The following REPIN1 variants were observed in gnomAD, a reference collection of about 807,000 sequenced individuals.
REPIN1 encodes replication initiator 1.
REPIN1 carries 4 observed loss-of-function variants against 5.7 expected under a neutral mutation model. The observed-to-expected ratio is 0.71, with a 90% confidence interval of 0.35 to 1.62. The LOEUF is 1.62. Ranked by LOEUF, REPIN1 falls within the 40% of genes most tolerant of loss-of-function variation. The pLI, the probability that REPIN1 is intolerant of heterozygous loss-of-function variation, is 0.05. For missense variants in REPIN1, 854 were observed against 901.0 expected (o/e 0.95, Z 0.67); for synonymous variants, 410 against 386.2 (o/e 1.06, Z -0.72).
In REPIN1 at chr7:150,369,818, T is replaced by TCC; in HGVS notation, c.110_111dup (p.Lys38ProfsTer59). The TCC allele has an allele frequency of 6.2e-7, 1 of 1,613,206 alleles. No individual in the cohort carries two copies. Among genetic ancestry groups the TCC allele is most frequent in the Middle Eastern group, 1.7e-4 (1 of 6,054 alleles). On this transcript the variant is annotated frameshift_variant, in exon 2 of 3. Coordinates refer to ENST00000489432, the MANE Select transcript of REPIN1 (RefSeq NM_001099695.2). LOFTEE classifies it low-confidence loss of function (END_TRUNC). ...AGCCGCGGAAGTATCCCCAGGAACA[T>TCC]CCCCAAGAGGAGCTGGAAAAAGCCT...
Position 150,371,658 on chromosome 7 carries a change from A to T in REPIN1, c.588A>T (p.Ser196=). 6.2e-7 allele frequency: 1 copy of T among 1,605,048 alleles called. No individual in the cohort carries two copies. The highest frequency in any genetic ancestry group is 8.5e-7 in the Non-Finnish European group (1 of 1,179,400). Residue 196 remains serine (S), a synonymous_variant, in exon 3 of 3, where the codon TCA becomes TCT. Transcript: ENST00000489432. ...TGGTTCTGCATCTGCGGGCCCATTC[A>T]GCTGCAAAGCGGCCCATCGCTTGTC... is the stretch of plus-strand genomic sequence containing the variant. ...VALVLHLRAH[S]AAKRPIACPK...
At position 150,371,391 on chromosome 7, in the gene REPIN1, C is replaced by A; in HGVS notation, c.321C>A (p.Ala107=). 1 of 1,596,202 alleles carries A rather than the reference C, an allele frequency of 6.3e-7. No homozygotes were observed. Among genetic ancestry groups the A allele is most frequent in the Admixed American group, 1.7e-5 (1 of 57,756 alleles). Residue 107 remains alanine (A), a synonymous_variant, in exon 3 of 3, where the codon GCC becomes GCA. Transcript: ENST00000489432. ...QQGTSVAQSG[A]QAPGRAHRCA... Reference sequence around the variant, plus strand: ...GCACGTCAGTGGCCCAGTCTGGTGCCCAAGCCCCAGGCAGGGCCCATCGCT... The same window carrying A: ...GCACGTCAGTGGCCCAGTCTGGTGCACAAGCCCCAGGCAGGGCCCATCGCT...
Position 150,372,635 on chromosome 7 carries a change from G to A in REPIN1, c.1565G>A (p.Gly522Asp). The change falls in exon 3 of 3, where the codon GGC (glycine) becomes GAC (aspartate). Residue 522 changes from glycine (G) to aspartate (D), a missense_variant. Around this residue, in one of 5 missense-constraint regions of REPIN1, gnomAD observed 327 missense variants for 307.8 expected, o/e 1.06. Transcript: ENST00000489432. ...PDRPFVCPDC[G>D]KAFRHKPYLA... ...CGGCCCTTCGTGTGTCCCGACTGCG[G>A]CAAGGCCTTCCGCCACAAACCCTAC... is the stretch of plus-strand genomic sequence containing the variant. 6.2e-7 allele frequency: 1 copy of A among 1,610,868 alleles called. No homozygotes were observed. Among genetic ancestry groups the A allele is most frequent in the Non-Finnish European group, 8.5e-7 (1 of 1,179,698 alleles).
rs1259691673 is a variant in REPIN1, at chr7:150,373,908, C to T, written c.*963C>T. ...TTAGAAATTCTAATTGTTAGAAATC[C>T]TTCCTTATAATGAATGAATTCTGCT... On this transcript the variant is annotated 3_prime_UTR_variant, in exon 3 of 3. Transcript: ENST00000489432. The T allele has an allele frequency of 1.2e-5, 2 of 167,070 alleles. No individual in the cohort carries two copies. Among genetic ancestry groups the T allele is most frequent in the Admixed American group, 6.5e-5 (1 of 15,290 alleles). 10.3% of individuals were successfully genotyped at this position (167,070 alleles called of 1,614,324 possible).
At chr7:150,370,336 T>TA (rs1799512478) in intron 2 of REPIN1, 1 of 261,342 alleles carries the variant, frequency 3.8e-6, no homozygotes. Context: ...CTGTGGGTGT[T>TA]CCTTGGATTC....
Position 150,372,949 on chromosome 7 carries a change from G to T in REPIN1, c.*4G>T, listed in dbSNP as rs1800036536. 1 of 1,608,872 alleles carries T rather than the reference G, an allele frequency of 6.2e-7. No homozygotes were observed. The highest frequency in any genetic ancestry group is 8.5e-7 in the Non-Finnish European group (1 of 1,177,224). ...CCAGAAGAAGCACGATGTCTGAGAC[G>T]GTGGGCGGGGCCGTGTTGGCTGAGA... On this transcript the variant is annotated 3_prime_UTR_variant, in exon 3 of 3. Transcript: ENST00000489432.
In REPIN1 at chr7:150,369,788, G is replaced by T; in HGVS notation, c.77G>T (p.Arg26Leu). The change falls in exon 2 of 3, where the codon CGC (arginine) becomes CTC (leucine). Residue 26 changes from arginine (R) to leucine (L), a missense_variant. By Grantham distance (102) the Arg-to-Leu change is moderately radical. Coordinates refer to ENST00000489432, the MANE Select transcript of REPIN1 (RefSeq NM_001099695.2). Reference protein sequence around the residue: ...GGYRSVGRSRRCSRGSIPRNI... With the variant: ...GGYRSVGRSRLCSRGSIPRNI... ...TACCGGAGTGTGGGCCGAAGCAGGC[G>T]CTGCAGCCGCGGAAGTATCCCCAGG... The T allele has an allele frequency of 1.2e-6, 2 of 1,613,858 alleles. No individual in the cohort carries two copies.
At chr7:150,368,408 GCTCC>G (rs1436940097), upstream of REPIN1, 4 of 151,902 alleles carry the variant, frequency 2.6e-5, no homozygotes, top group Non-Finnish European at 4.4e-5. Flanking sequence ...GGGCAACGAC[GCTCC>G]GGGGGCTTGC....
Position 150,372,581 on chromosome 7 carries a change from C to A in REPIN1, c.1511C>A (p.Ala504Glu), listed in dbSNP as rs374381689. The part of the protein sequence containing the change: ...GRRFSQGSHL[A>E]AHRRDHAPDR... ...CGCTTCTCCCAGGGCAGCCATCTGG[C>A]GGCGCATCGGCGCGACCACGCCCCC... The change falls in exon 3 of 3, where the codon GCG becomes GAG. Residue 504 changes from alanine (A) to glutamate (E), a missense_variant. By Grantham distance (107) the Ala-to-Glu change is moderately radical. Coordinates refer to ENST00000489432, the MANE Select transcript of REPIN1 (RefSeq NM_001099695.2). The A allele has an allele frequency of 6.2e-7, 1 of 1,601,454 alleles. No homozygotes were observed. Among genetic ancestry groups the A allele is most frequent in the South Asian group, 1.1e-5 (1 of 90,448 alleles).
chr7:150,372,403 C>A lies in REPIN1; in HGVS notation c.1333C>A (p.Arg445Ser), dbSNP rs1799920784. 6.7e-7 allele frequency: 1 copy of A among 1,486,420 alleles called. No homozygotes were observed. The highest frequency in any genetic ancestry group is 8.9e-7 in the Non-Finnish European group (1 of 1,125,622). 92.1% of individuals were successfully genotyped at this position (1,486,420 alleles called of 1,614,324 possible). A position where few individuals can be genotyped will look rare whatever the true frequency, so the allele number is the denominator to read the frequency against. ...DDCGRSFRLE[R>S]FLRAHQRQHT... Reference sequence around the variant, plus strand: ...CTGCGGCAGGAGCTTCCGGCTGGAGCGCTTCCTGCGGGCCCACCAGCGGCA... The same window carrying A: ...CTGCGGCAGGAGCTTCCGGCTGGAGAGCTTCCTGCGGGCCCACCAGCGGCA... The change falls in exon 3 of 3, where the codon CGC becomes AGC. Residue 445 changes from arginine (R) to serine (S), a missense_variant. Coordinates refer to ENST00000489432, the MANE Select transcript of REPIN1 (RefSeq NM_001099695.2).
chr7:150,370,087 A>C (rs189476453), intron 2 of REPIN1: 21 of 537,422 alleles, frequency 3.9e-5, no homozygotes, highest in Middle Eastern at 4.9e-4. Flanking sequence ...CAGGCACAGA[A>C]GGGCCCTTAG....
Position 150,372,679 on chromosome 7 carries a change from A to T in REPIN1, c.1609A>T (p.Ile537Phe), listed in dbSNP as rs1246641717. The change falls in exon 3 of 3, where the codon ATC becomes TTC. Residue 537 changes from isoleucine (I) to phenylalanine (F), a missense_variant. Physicochemically the swap from Ile to Phe is conservative, Grantham distance 21. Transcript: ENST00000489432. ...HKPYLAAHRR[I>F]HTGEKPYVCP... ...ACCCTACCTGGCGGCGCACCGGCGC[A>T]TCCACACCGGCGAGAAGCCCTACGT... The T allele has an allele frequency of 6.2e-7, 1 of 1,612,324 alleles. No homozygotes were observed. Among genetic ancestry groups the T allele is most frequent in the African/African-American group, 1.3e-5 (1 of 74,844 alleles).
At chr7:150,368,704 C>G (rs542020890), upstream of REPIN1, 1,666 of 242,766 alleles carry the variant, frequency 6.9e-3, 31 homozygotes, top group African/African-American at 0.035. Context: ...GCCCCGGCCC[C>G]GGCAGTCCCT....
At chr7:150,369,107 T>A (rs1799195569) in intron 1 of REPIN1, 166 bp downstream of exon 1, 1 of 351,672 alleles carries the variant, frequency 2.8e-6, no homozygotes, top group African/African-American at 2.1e-5. Context: ...CTCCGCGAGC[T>A]GCGCCGTGCG....
upstream of REPIN1, chr7:150,368,805 T>G (rs930740487): frequency 6.5e-5 from 18 of 275,796 alleles, no homozygotes; most frequent in Non-Finnish European, 8.0e-5. Flanking sequence ...CGGGGGGAGG[T>G]TGGGGACGGG....
At position 150,373,419 on chromosome 7, in the gene REPIN1, T is replaced by G; in HGVS notation, c.*474T>G. 5.6e-6 allele frequency: 1 copy of G among 179,526 alleles called. No homozygotes were observed. The highest frequency in any genetic ancestry group is 1.3e-5 in the Non-Finnish European group (1 of 74,700). The allele number at this position is 179,526 out of a possible 1,614,324, so 11.1% of individuals were successfully genotyped here. On this transcript the variant is annotated 3_prime_UTR_variant, in exon 3 of 3. Coordinates refer to ENST00000489432, the MANE Select transcript of REPIN1 (RefSeq NM_001099695.2). ...AGCTTGGAGAACCTGCTGGCCTTGT[T>G]AGACAGCACTTGGGCCTTTGCCAGC...
rs758255865 is a variant in REPIN1, at chr7:150,372,413, G to C, written c.1343G>C (p.Arg448Pro). 4.0e-6 allele frequency: 6 copies of C among 1,490,618 alleles called. No individual in the cohort carries two copies. Among genetic ancestry groups the C allele is most frequent in the South Asian group, 1.3e-5 (1 of 75,534 alleles). 92.3% of individuals were successfully genotyped at this position (1,490,618 alleles called of 1,614,324 possible). A position where few individuals can be genotyped will look rare whatever the true frequency, so the allele number is the denominator to read the frequency against. ...AGCTTCCGGCTGGAGCGCTTCCTGC[G>C]GGCCCACCAGCGGCAGCACACCGGG... is the stretch of plus-strand genomic sequence containing the variant. ...GRSFRLERFL[R>P]AHQRQHTGER... The change falls in exon 3 of 3, where the codon CGG becomes CCG. Residue 448 changes from arginine to proline, a missense_variant. Physicochemically the swap from Arg to Pro is moderately radical, Grantham distance 103. Around this residue, in one of 5 missense-constraint regions of REPIN1, gnomAD observed 327 missense variants for 307.8 expected, o/e 1.06. Coordinates refer to ENST00000489432, the MANE Select transcript of REPIN1 (RefSeq NM_001099695.2).
At chr7:150,370,859 GT>G (rs1799620268) in intron 2 of REPIN1, 1 of 701,262 alleles carries the variant, frequency 1.4e-6, no homozygotes, top group East Asian at 2.7e-5. Flanking sequence ...ATAAGGCACT[GT>G]AGGGAGCAGT....
At chr7:150,369,534 C>T (rs900288067) in intron 1 of REPIN1, 137 bp from the exon 2 acceptor site, 16 of 722,968 alleles carry the variant, frequency 2.2e-5, no homozygotes, top group East Asian at 1.4e-4. Context: ...TAAGGTCACT[C>T]TGCCAGGCAG....
Sources: gnomAD v4.1 joint callset for allele counts on GRCh38, gnomAD v4.1.1 for gene constraint, gnomAD v4.1.1 regional missense constraint, MANE v1.5 for transcripts, NCBI Gene and HGNC (gene_info 2026-07-23, HGNC 2026-07-21) for gene names.